Variants in MACROD2 observed in about 807,000 individuals in gnomAD.
The protein encoded by MACROD2 is ADP-ribose glycohydrolase MACROD2.
Under a neutral mutation model 70.4 loss-of-function variants are expected in MACROD2, and 36 were observed. That is an observed-to-expected ratio of 0.51 (90% CI 0.39 to 0.68). The LOEUF is 0.68. MACROD2 is among the 30% of genes least tolerant of loss of function. The pLI is 0.00. For missense variants in MACROD2, 496 were observed against 538.4 expected (o/e 0.92, Z 0.78); for synonymous variants, 172 against 178.8 (o/e 0.96, Z 0.30).
chr20:14,847,635 C>T (rs549341736), intron 5 of MACROD2, among the ~76,000 whole-genome samples: 1 of 142,564 alleles, frequency 7.0e-6, no homozygotes. Flanking sequence ...AGATGACAGT[C>T]CCCCCTTTTA....
chr20:14,220,192 C>G (rs368844479), intron 3 of MACROD2, among the ~76,000 whole-genome samples: 1 of 151,938 alleles, frequency 6.6e-6, no homozygotes, highest in Non-Finnish European at 1.5e-5. Context: ...TGTCCTTGGG[C>G]GGGTCTTGCT....
At chr20:14,443,700 T>C (rs1260336451) in intron 3 of MACROD2, among the ~76,000 whole-genome samples, 2 of 152,152 alleles carry the variant, frequency 1.3e-5, no homozygotes, top group African/African-American at 4.8e-5. Context: ...TTAGTGAGTG[T>C]ATCAGTAGTA....
chr20:15,775,587 G>A (rs1325427927), intron 8 of MACROD2, among the ~76,000 whole-genome samples: 1 of 152,124 alleles, frequency 6.6e-6, no homozygotes, highest in Non-Finnish European at 1.5e-5. Flanking sequence ...TGATCTGTTC[G>A]GTCAGGTGGG....
chr20:15,686,491 A>G (rs879798384), intron 8 of MACROD2, among the ~76,000 whole-genome samples: 16 of 152,186 alleles, frequency 1.1e-4, no homozygotes, highest in Admixed American at 1.0e-3. Flanking sequence ...CCCACTATAT[A>G]TATAAAGCAG....
chr20:15,498,763 T>C (rs572877283), intron 7 of MACROD2, among the ~76,000 whole-genome samples: 6 of 152,318 alleles, frequency 3.9e-5, no homozygotes, highest in African/African-American at 1.4e-4. Flanking sequence ...TTTAAAAACA[T>C]GGTACAAACC....
At chr20:14,050,051 A>G (rs1450474219) in intron 2 of MACROD2, among the ~76,000 whole-genome samples, 1 of 148,306 alleles carries the variant, frequency 6.7e-6, no homozygotes, top group African/African-American at 2.5e-5. Context: ...GCACCATTGC[A>G]CTCCAGCCTG....
intron 5 of MACROD2, among the ~76,000 whole-genome samples, chr20:14,884,983 A>C (rs762983488): frequency 6.6e-6 from 1 of 152,062 alleles, no homozygotes; most frequent in South Asian, 2.1e-4. Flanking sequence ...TACTGACCCA[A>C]CTTCCATTTG....
At chr20:14,150,978 C>A (rs1345457238) in intron 3 of MACROD2, among the ~76,000 whole-genome samples, 1 of 152,170 alleles carries the variant, frequency 6.6e-6, no homozygotes, top group Non-Finnish European at 1.5e-5. Flanking sequence ...GAATGATATT[C>A]TTAAAAGCAT....
chr20:14,457,221 A>C (rs1024870608), intron 3 of MACROD2, among the ~76,000 whole-genome samples: 1 of 152,096 alleles, frequency 6.6e-6, no homozygotes, highest in Non-Finnish European at 1.5e-5. Flanking sequence ...AGATTCATTA[A>C]GTGAGCTGTT....
In MACROD2 at chr20:14,311,973, C is replaced by G. The variant is rs139452111; in HGVS notation, c.272-181506C>G. On this transcript the variant is annotated intron_variant, in intron 3 of 17. Coordinates refer to ENST00000684519, the MANE Select transcript of MACROD2 (RefSeq NM_001351661.2). ...AAAATATGCTCAAATTGCCCTCAAT[C>G]AATATTTGGTACTGATAAATAATAA... 5.9e-5 allele frequency among the ~76,000 whole-genome samples: 9 copies of G among 152,308 alleles called. 1 individual carries two copies. Among genetic ancestry groups the G allele is most frequent in the African/African-American group, 2.2e-4 (9 of 41,566 alleles).
chr20:14,098,997 T>C (rs2054265300), intron 3 of MACROD2, among the ~76,000 whole-genome samples: 1 of 152,092 alleles, frequency 6.6e-6, no homozygotes, highest in Admixed American at 6.6e-5. Flanking sequence ...AAGCAGAACG[T>C]GGCTGGGTGT....
At chr20:14,557,486 C>A (rs1979113324) in intron 4 of MACROD2, among the ~76,000 whole-genome samples, 2 of 151,800 alleles carry the variant, frequency 1.3e-5, no homozygotes, top group African/African-American at 4.8e-5. Flanking sequence ...TGATAAGAAA[C>A]TTGTATCCAA....
chr20:14,587,835 A>G (rs776072872), intron 4 of MACROD2, among the ~76,000 whole-genome samples: 29 of 152,072 alleles, frequency 1.9e-4, no homozygotes, highest in Non-Finnish European at 3.8e-4. Context: ...AAATTGAGAT[A>G]TAGTTTACAT....
intron 5 of MACROD2, among the ~76,000 whole-genome samples, chr20:14,978,640 A>G (rs1252125281): frequency 1.0e-4 from 1 of 9,774 alleles, no homozygotes; most frequent in African/African-American, 4.8e-4. Flanking sequence ...ACCCCACCCC[A>G]TGAAAGGAAG....
At chr20:14,680,241 G>A (rs2070915495) in intron 4 of MACROD2, among the ~76,000 whole-genome samples, 1 of 152,190 alleles carries the variant, frequency 6.6e-6, no homozygotes, top group Admixed American at 6.5e-5. Flanking sequence ...CATATGCAGA[G>A]AAAGACTCTA....
intron 3 of MACROD2, among the ~76,000 whole-genome samples, chr20:14,485,563 T>C (rs978965802): frequency 1.3e-5 from 2 of 151,882 alleles, no homozygotes; most frequent in African/African-American, 2.4e-5. Context: ...TAGCCGGGCG[T>C]GGTGGCAGGC....
chr20:15,676,795 C>G (rs77832511), intron 8 of MACROD2, among the ~76,000 whole-genome samples: 1 of 152,030 alleles, frequency 6.6e-6, no homozygotes, highest in East Asian at 1.9e-4. Context: ...TTTTAAATGC[C>G]GCAGATCTTA....
chr20:15,599,052 C>T (rs1225094714), intron 8 of MACROD2, among the ~76,000 whole-genome samples: 2 of 152,062 alleles, frequency 1.3e-5, no homozygotes, highest in Non-Finnish European at 2.9e-5. Flanking sequence ...ATTTGGCATA[C>T]GTTGTCTGAT....
chr20:15,532,021 T>C (rs1001790606), intron 8 of MACROD2, among the ~76,000 whole-genome samples: 7 of 152,176 alleles, frequency 4.6e-5, no homozygotes, highest in African/African-American at 1.7e-4. Flanking sequence ...GAATGCCTTT[T>C]TTCTTTTTGT....
Sources: allele counts gnomAD v4.1 joint callset (sites outside exome capture counted in the v4.1 genomes callset), GRCh38; gene constraint gnomAD v4.1.1; transcripts MANE v1.5; gene names NCBI Gene and HGNC (gene_info 2026-07-23, HGNC 2026-07-21).